The following OSBPL10 variants were observed in gnomAD, a reference collection of about 807,000 sequenced individuals.
OSBPL10 encodes oxysterol-binding protein-related protein 10.
OSBPL10 carries 49 observed loss-of-function variants against 81.7 expected under a neutral mutation model. The ratio of observed to expected loss-of-function variants is 0.60; its 90% confidence interval spans 0.48 to 0.76. The LOEUF (loss-of-function observed/expected upper bound fraction) is 0.76, where lower values mean the gene tolerates loss of function less well. Ranked by LOEUF, OSBPL10 falls within the 30% of genes least tolerant of loss-of-function variation. OSBPL10 has a pLI of 0.00. For synonymous variants in OSBPL10, 419 were observed against 383.6 expected, an observed-to-expected ratio of 1.09 and a Z score of -1.08; for missense variants, 923 against 987.8, an observed-to-expected ratio of 0.93 and a Z score of 0.88.
At chr3:31,696,620 C>T (rs1262256865) in intron 7 of OSBPL10, among the ~76,000 whole-genome samples, 1 of 152,248 alleles carries the variant, frequency 6.6e-6, no homozygotes, top group Non-Finnish European at 1.5e-5. Context: ...CCTCTGACTT[C>T]TATCTTACTT....
intron 1 of OSBPL10, among the ~76,000 whole-genome samples, chr3:32,052,246 C>CAA (rs112990726): frequency 2.2e-5 from 2 of 90,142 alleles, no homozygotes; most frequent in Middle Eastern, 6.0e-3. Context: ...GATCCTGTCA[C>CAA]AAAAAAAAAA....
At chr3:31,694,549 T>C (rs1411909694) in intron 7 of OSBPL10, among the ~76,000 whole-genome samples, 1 of 152,150 alleles carries the variant, frequency 6.6e-6, no homozygotes, top group Non-Finnish European at 1.5e-5. Context: ...AAAAATGCAA[T>C]CAATTTATAA....
intron 1 of OSBPL10, among the ~76,000 whole-genome samples, chr3:32,056,846 T>C (rs1430439392): frequency 6.6e-6 from 1 of 152,154 alleles, no homozygotes; most frequent in African/African-American, 2.4e-5. Flanking sequence ...TTCTTAGTCA[T>C]GGAATGAGAT....
Position 31,671,003 on chromosome 3 carries a change from A to C in OSBPL10, c.1727-20T>G, listed in dbSNP as rs1559407699. On this transcript the variant is annotated intron_variant, in intron 8 of 11. Transcript: ENST00000396556. ...ACACACCTCCAGGGAGAGAGGAGGG[A>C]GAGTTAGGCATGCAAACATGTGAAG... 6.3e-7 allele frequency: 1 copy of C among 1,587,658 alleles called. No homozygotes were observed. The highest frequency in any genetic ancestry group is 8.6e-7 in the Non-Finnish European group (1 of 1,165,410).
chr3:31,874,273 A>G (rs918732141), intron 3 of OSBPL10, among the ~76,000 whole-genome samples: 2 of 152,188 alleles, frequency 1.3e-5, no homozygotes, highest in Non-Finnish European at 2.9e-5. Context: ...ATTAACCTAT[A>G]AACTCCTTGA....
chr3:31,946,023 C>T (rs1280616984), intron 1 of OSBPL10, among the ~76,000 whole-genome samples: 2 of 151,990 alleles, frequency 1.3e-5, no homozygotes, highest in Admixed American at 1.3e-4. Context: ...TCTTGTTGCC[C>T]AGGCTGGAGT....
At chr3:31,995,754 C>G (rs986874573) in intron 2 of OSBPL10, among the ~76,000 whole-genome samples, 1 of 152,204 alleles carries the variant, frequency 6.6e-6, no homozygotes, top group Non-Finnish European at 1.5e-5. Flanking sequence ...TTATGTTCCT[C>G]TGCTGAGGCT....
chr3:31,962,643 G>T, intron 1 of OSBPL10, among the ~76,000 whole-genome samples: 1 of 152,150 alleles, frequency 6.6e-6, no homozygotes, highest in Non-Finnish European at 1.5e-5. Flanking sequence ...TGTACAGTTA[G>T]GGTTTCAATC....
intron 1 of OSBPL10, among the ~76,000 whole-genome samples, chr3:31,887,791 C>A (rs989022619): frequency 6.6e-6 from 1 of 152,136 alleles, no homozygotes; most frequent in Admixed American, 6.5e-5. Context: ...CAAACTCAAT[C>A]CCAACCAAAC....
chr3:31,959,014 G>A (rs747459274), intron 1 of OSBPL10, among the ~76,000 whole-genome samples: 26 of 152,078 alleles, frequency 1.7e-4, no homozygotes, highest in Non-Finnish European at 3.4e-4. Flanking sequence ...TCTCTAAAGG[G>A]TCAGGGCCCT....
intron 4 of OSBPL10, chr3:31,795,907 C>T (rs958231117): frequency 4.2e-6 from 1 of 237,642 alleles, no homozygotes; most frequent in Non-Finnish European, 9.5e-6. Flanking sequence ...TACTGTGCAT[C>T]AGAGGGTTCA....
At chr3:31,973,137 C>T (rs1377815283) in intron 1 of OSBPL10, among the ~76,000 whole-genome samples, 1 of 152,186 alleles carries the variant, frequency 6.6e-6, no homozygotes, top group Non-Finnish European at 1.5e-5. Context: ...GTTTCCGGCA[C>T]AATCATTTCA....
intron 8 of OSBPL10, among the ~76,000 whole-genome samples, chr3:31,683,115 A>G (rs752882227): frequency 1.3e-4 from 20 of 152,244 alleles, no homozygotes; most frequent in South Asian, 2.1e-4. Context: ...TATTTGCTAA[A>G]ATAAGAATGT....
intron 6 of OSBPL10, chr3:31,718,758 T>G (rs1343833864): frequency 6.6e-6 from 1 of 152,208 alleles, no homozygotes; most frequent in Non-Finnish European, 1.5e-5. Context: ...ACAAACGAAT[T>G]GTTTTTTTCA....
At chr3:31,858,047 G>C (rs897657130) in intron 3 of OSBPL10, among the ~76,000 whole-genome samples, 2 of 150,552 alleles carry the variant, frequency 1.3e-5, no homozygotes, top group Non-Finnish European at 3.0e-5. Context: ...CCAGACTGGA[G>C]TGCAGGGGCG....
At chr3:31,932,920 T>C (rs138389261) in intron 1 of OSBPL10, among the ~76,000 whole-genome samples, 2 of 152,254 alleles carry the variant, frequency 1.3e-5, no homozygotes, top group African/African-American at 4.8e-5. Flanking sequence ...AGACATACAT[T>C]TGTCAAAACT....
intron 2 of OSBPL10, among the ~76,000 whole-genome samples, chr3:31,995,165 TTA>T (rs2125526207): frequency 6.6e-6 from 1 of 152,326 alleles, no homozygotes; most frequent in East Asian, 1.9e-4. Context: ...GATAAACATC[TTA>T]ACAGAAAACA....
rs544696170 is a variant in OSBPL10 at position 31,979,215 on chromosome 3, C to T, written c.281+1684G>A. ...TCTACCTATTCTTTTTCAGCTTTCACGAATTGAAAGGGGAAGGGAGAGGCA... is the reference window on the plus strand; with the variant it reads ...TCTACCTATTCTTTTTCAGCTTTCATGAATTGAAAGGGGAAGGGAGAGGCA... On this transcript the variant is annotated intron_variant, in intron 1 of 11. Transcript: ENST00000396556. Among the ~76,000 whole-genome samples, 6 of 152,166 alleles carry T rather than the reference C, an allele frequency of 3.9e-5. No individual in the cohort carries two copies. The East Asian group carries it at 1.2e-3, about 29-fold the overall frequency.
At chr3:31,756,363 AC>A (rs1697886790) in intron 4 of OSBPL10, among the ~76,000 whole-genome samples, 1 of 152,140 alleles carries the variant, frequency 6.6e-6, no homozygotes, top group African/African-American at 2.4e-5. Flanking sequence ...CCATCTGGAA[AC>A]CAGCTTTTTT....
Sources: allele counts gnomAD v4.1 joint callset (sites outside exome capture counted in the v4.1 genomes callset), GRCh38; gene constraint gnomAD v4.1.1; transcripts MANE v1.5; gene names NCBI Gene and HGNC (gene_info 2026-07-23, HGNC 2026-07-21).